Variants in ANKRD44 observed in about 807,000 individuals in gnomAD.
ANKRD44 encodes serine/threonine-protein phosphatase 6 regulatory ankyrin repeat subunit B.
Under a neutral mutation model 116.0 loss-of-function variants are expected in ANKRD44, and 35 were observed. The ratio of observed to expected loss-of-function variants is 0.30; its 90% CI spans 0.23 to 0.40. The LOEUF (loss-of-function observed/expected upper bound fraction) is 0.40, where lower values mean the gene tolerates loss of function less well. ANKRD44 is among the 10% of genes least tolerant of loss of function. The pLI, the probability that ANKRD44 is intolerant of heterozygous loss-of-function variation, is 1.00. For missense variants in ANKRD44, 1,014 were observed against 1,242.6 expected (o/e 0.82, Z 2.77); for synonymous variants, 435 against 461.8 (o/e 0.94, Z 0.74).
chr2:197,147,352 G>A (rs1445650159), intron 2 of ANKRD44, among the ~76,000 whole-genome samples: 4 of 150,876 alleles, frequency 2.7e-5, no homozygotes, highest in African/African-American at 9.8e-5. Context: ...CTGAAGCCCA[G>A]CTGAGGTCAT....
intron 1 of ANKRD44, among the ~76,000 whole-genome samples, chr2:197,214,046 AG>A (rs2081384135): frequency 1.3e-5 from 2 of 152,210 alleles, no homozygotes; most frequent in Admixed American, 1.3e-4. Context: ...AATAAGATGA[AG>A]GTAGCAACTG....
At chr2:197,137,326 G>A (rs980661240) in intron 3 of ANKRD44, among the ~76,000 whole-genome samples, 6 of 152,202 alleles carry the variant, frequency 3.9e-5, no homozygotes, top group Admixed American at 6.5e-5. Context: ...TTAGGATGAT[G>A]AGGAAGGGAG....
intron 2 of ANKRD44, among the ~76,000 whole-genome samples, chr2:197,167,916 C>G (rs747233163): frequency 2.0e-5 from 3 of 152,174 alleles, no homozygotes; most frequent in Non-Finnish European, 4.4e-5. Flanking sequence ...CTCTTTTTAT[C>G]TAGCATTCTA....
intron 1 of ANKRD44, among the ~76,000 whole-genome samples, chr2:197,209,688 T>C (rs1484375488): frequency 6.6e-6 from 1 of 152,230 alleles, no homozygotes; most frequent in Non-Finnish European, 1.5e-5. Context: ...AAACATTGGT[T>C]GATTGGTCTT....
intron 8 of ANKRD44, among the ~76,000 whole-genome samples, chr2:197,115,667 T>C (rs1458403928): frequency 6.6e-6 from 1 of 152,210 alleles, no homozygotes; most frequent in Non-Finnish European, 1.5e-5. Flanking sequence ...GCTACTTCCC[T>C]CAACTTTTGG....
intron 1 of ANKRD44, among the ~76,000 whole-genome samples, chr2:197,304,795 C>A (rs1219300888): frequency 6.6e-6 from 1 of 152,210 alleles, no homozygotes; most frequent in Non-Finnish European, 1.5e-5. Flanking sequence ...ATGTTTCTAT[C>A]ACATTACACC....
chr2:197,237,520 A>G (rs1328909361), intron 1 of ANKRD44, among the ~76,000 whole-genome samples: 2 of 152,230 alleles, frequency 1.3e-5, no homozygotes, highest in Admixed American at 1.3e-4. Context: ...ATTTCATGCC[A>G]TTAACATTTT....
intron 2 of ANKRD44, among the ~76,000 whole-genome samples, chr2:197,181,600 A>G (rs1003461745): frequency 6.6e-6 from 1 of 152,172 alleles, no homozygotes; most frequent in Non-Finnish European, 1.5e-5. Context: ...GACTCAAAGG[A>G]AAAAAAGTGC....
intron 1 of ANKRD44, among the ~76,000 whole-genome samples, chr2:197,286,631 G>T (rs1455355080): frequency 4.0e-5 from 6 of 151,860 alleles, no homozygotes; most frequent in African/African-American, 1.5e-4. Context: ...TCTCACCTGG[G>T]CCTCCCAAAT....
At chr2:197,240,826 C>T (rs773817565) in intron 1 of ANKRD44, among the ~76,000 whole-genome samples, 42 of 149,140 alleles carry the variant, frequency 2.8e-4, no homozygotes, top group Non-Finnish European at 5.9e-4. Flanking sequence ...CACTTCCCCA[C>T]ACCCCCAACA....
intron 1 of ANKRD44, among the ~76,000 whole-genome samples, chr2:197,304,467 C>G (rs1004434149): frequency 2.6e-5 from 4 of 152,286 alleles, no homozygotes; most frequent in South Asian, 2.1e-4. Context: ...ACCTGGAAAG[C>G]CTTATTAGAG....
chr2:197,286,288 T>C (rs751077324), intron 1 of ANKRD44, among the ~76,000 whole-genome samples: 1 of 152,204 alleles, frequency 6.6e-6, no homozygotes, highest in Non-Finnish European at 1.5e-5. Flanking sequence ...CTAAATGCTA[T>C]CAAAATAGCA....
chr2:197,137,758 G>A (rs1374063955), intron 3 of ANKRD44, among the ~76,000 whole-genome samples: 3 of 152,216 alleles, frequency 2.0e-5, no homozygotes, highest in African/African-American at 7.2e-5. Context: ...CAGGTACAAG[G>A]GTTATCATAC....
At chr2:197,045,898 C>T (rs944045556) in intron 16 of ANKRD44, among the ~76,000 whole-genome samples, 7 of 151,976 alleles carry the variant, frequency 4.6e-5, no homozygotes, top group African/African-American at 1.4e-4. Context: ...CTTTAAAATA[C>T]AGACAAGAAA....
chr2:197,109,911 C>G (rs932445793), intron 9 of ANKRD44, among the ~76,000 whole-genome samples: 2 of 152,176 alleles, frequency 1.3e-5, no homozygotes, highest in East Asian at 3.9e-4. Context: ...TTCAAGCATA[C>G]CTTTGTCGTA....
intron 17 of ANKRD44, among the ~76,000 whole-genome samples, chr2:197,023,713 ACTCT>A (rs1443980311): frequency 6.6e-6 from 1 of 151,738 alleles, no homozygotes; most frequent in African/African-American, 2.4e-5. Flanking sequence ...TCCACATAAG[ACTCT>A]CTAGGGGCAG....
At chr2:197,281,242 T>C (rs1156806273) in intron 1 of ANKRD44, among the ~76,000 whole-genome samples, 1 of 152,234 alleles carries the variant, frequency 6.6e-6, no homozygotes. Context: ...TGCCTGTTGA[T>C]AGGAGGCCTG....
chr2:197,218,014 A>G (rs1055017168), intron 1 of ANKRD44, among the ~76,000 whole-genome samples: 14 of 152,338 alleles, frequency 9.2e-5, no homozygotes, highest in Admixed American at 8.5e-4. Flanking sequence ...TAGTATTTAC[A>G]TAAGAGTTTT....
intron 2 of ANKRD44, among the ~76,000 whole-genome samples, chr2:197,170,082 T>TG (rs1424938190): frequency 6.7e-6 from 1 of 148,178 alleles, no homozygotes; most frequent in Non-Finnish European, 1.5e-5. Context: ...CCCAGCTACC[T>TG]GGGGGGCTGA....
Sources: allele counts gnomAD v4.1 joint callset (sites outside exome capture counted in the v4.1 genomes callset), GRCh38; gene constraint gnomAD v4.1.1; transcripts MANE v1.5; gene names NCBI Gene and HGNC (gene_info 2026-07-23, HGNC 2026-07-21).